Variants in BAZ2B observed in about 807,000 individuals in gnomAD.
BAZ2B encodes bromodomain adjacent to zinc finger domain 2B.
BAZ2B carries 91 observed loss-of-function variants against 246.0 expected under a neutral mutation model. That is an observed-to-expected ratio of 0.37 (90% confidence interval 0.31 to 0.44). The LOEUF is 0.44. Ranked by LOEUF, BAZ2B falls within the 20% of genes least tolerant of loss-of-function variation. The pLI is 1.00. For synonymous variants in BAZ2B, 855 were observed against 860.0 expected (o/e 0.99, Z 0.10); for missense variants, 2,332 against 2,533.7 (o/e 0.92, Z 1.71).
At chr2:159,598,437 C>A (rs1691287940) in intron 1 of BAZ2B, among the ~76,000 whole-genome samples, 1 of 152,192 alleles carries the variant, frequency 6.6e-6, no homozygotes, top group African/African-American at 2.4e-5. Flanking sequence ...ATAGATAACA[C>A]ATTATTAGTA....
At chr2:159,573,544 T>A (rs1222792625) in intron 1 of BAZ2B, among the ~76,000 whole-genome samples, 1 of 151,734 alleles carries the variant, frequency 6.6e-6, no homozygotes, top group Non-Finnish European at 1.5e-5. Flanking sequence ...ACGTAAGAGG[T>A]AAAAACGTAA....
chr2:159,584,127 G>GT (rs34885086), intron 1 of BAZ2B, among the ~76,000 whole-genome samples: 135 of 146,198 alleles, frequency 9.2e-4, no homozygotes, highest in South Asian at 1.5e-3. Context: ...CTGATTTAGG[G>GT]TTTTTTTTTT....
At position 159,499,290 on chromosome 2, in the gene BAZ2B, T is replaced by G. The variant is rs554025740; in HGVS notation, c.-2-20569A>C. 2.6e-5 allele frequency among the ~76,000 whole-genome samples: 4 copies of G among 152,328 alleles called. No individual in the cohort carries two copies. The South Asian group carries it at 8.3e-4, about 32-fold the overall frequency. On this transcript the variant is annotated intron_variant, in intron 2 of 36. Coordinates refer to ENST00000392783, the MANE Select transcript of BAZ2B (RefSeq NM_013450.4). ...AAACATGCCATGTTTGATTTTCTGTTCTTGTGTTAGAATGCTCGGGATAAT... is the reference window on the plus strand; with the variant it reads ...AAACATGCCATGTTTGATTTTCTGTGCTTGTGTTAGAATGCTCGGGATAAT...
At chr2:159,398,979 G>T in intron 17 of BAZ2B, 85 bp from the exon 18 acceptor site, 2 of 1,270,992 alleles carry the variant, frequency 1.6e-6, no homozygotes, top group Non-Finnish European at 2.2e-6. Flanking sequence ...GAAGCTACAT[G>T]TCTCACAAGG....
intron 2 of BAZ2B, among the ~76,000 whole-genome samples, chr2:159,547,599 T>C (rs1366823024): frequency 6.6e-6 from 1 of 152,128 alleles, no homozygotes; most frequent in Non-Finnish European, 1.5e-5. Context: ...AAAGTGTGAG[T>C]GGAAGAAAAC....
rs745866930 is a variant in BAZ2B, at chr2:159,350,107, T to C, written c.4464A>G (p.Lys1488=). 3.7e-6 allele frequency: 6 copies of C among 1,614,090 alleles called. No homozygotes were observed. In the South Asian group the frequency reaches 6.6e-5, roughly 18 times the overall value. The stretch of plus-strand genomic sequence containing the variant: ...TGCACCCATTTGCACCAGCATTTGG[T>C]TTGGGGGTCATAACCTCTGACTCAG... ...MPPESEVMTP[K]PNAGANGCTL... The change falls in exon 28 of 37, where the codon AAA becomes AAG. Residue 1488 remains lysine, a synonymous_variant. Coordinates refer to ENST00000392783, the MANE Select transcript of BAZ2B (RefSeq NM_013450.4).
In BAZ2B at chr2:159,507,243, T is replaced by C. The variant is rs115501108; in HGVS notation, c.-2-28522A>G. Among the ~76,000 whole-genome samples the C allele has an allele frequency of 6.2e-3, 942 of 152,216 alleles. 6 individuals carry two copies. The highest frequency in any genetic ancestry group is 0.022 in the African/African-American group (902 of 41,526). On this transcript the variant is annotated intron_variant, in intron 2 of 36. Coordinates refer to ENST00000392783, the MANE Select transcript of BAZ2B (RefSeq NM_013450.4). The stretch of plus-strand genomic sequence containing the variant: ...GAGGTTTCCTGTGTAAAATATAGCC[T>C]GATACATTAAAGAGAAGTACAAAAC...
chr2:159,712,093 G>GAAAAAAA, the BAZ2B span: 3 of 123,236 alleles, frequency 2.4e-5, no homozygotes, highest in Non-Finnish European at 4.8e-5. Context: ...GCCAGAAAAA[G>GAAAAAAA]AAAAAAAAAA....
intron 3 of BAZ2B, chr2:159,462,419 T>C (rs1193352306): frequency 7.1e-6 from 9 of 1,258,896 alleles, no homozygotes; most frequent in African/African-American, 1.5e-5. Context: ...TCTTTGCTAA[T>C]GTTGTAGCTG....
At chr2:159,648,698 G>T in the BAZ2B span, among the ~76,000 whole-genome samples, 1 of 151,966 alleles carries the variant, frequency 6.6e-6, no homozygotes, top group Non-Finnish European at 1.5e-5. Context: ...ACAGATATCA[G>T]GTTTTATTTA....
Position 159,432,896 on chromosome 2 carries a change from T to G in BAZ2B, c.1761A>C (p.Leu587Phe). Residue 587 changes from leucine (L) to phenylalanine (F), a missense_variant, in exon 9 of 37, where the codon TTA (leucine) becomes TTC (phenylalanine). By Grantham distance (22) the Leu-to-Phe change is conservative (BLOSUM62 0). Around this residue, in one of 9 missense-constraint regions of BAZ2B, gnomAD observed 651 missense variants for 650.9 expected, o/e 1.00. Coordinates refer to ENST00000392783, the MANE Select transcript of BAZ2B (RefSeq NM_013450.4). ...TQHHSHPAKS[L>F]VEQFRGTDSD... is the part of the protein sequence containing the mutation. ...AATCTGTTCCTCTGAATTGTTCCAC[T>G]AAAGATTTTGCAGGATGGGAGTGAT... The G allele has an allele frequency of 1.2e-6, 2 of 1,614,168 alleles. No individual in the cohort carries two copies. The highest frequency in any genetic ancestry group is 1.7e-6 in the Non-Finnish European group (2 of 1,180,018).
intron 1 of BAZ2B, among the ~76,000 whole-genome samples, chr2:159,608,265 T>C (rs879843559): frequency 4.3e-4 from 65 of 152,320 alleles, no homozygotes; most frequent in South Asian, 2.5e-3. Flanking sequence ...TCCCAGCTAC[T>C]TGGCGGACTG....
chr2:159,676,953 TATATATATA>T, the BAZ2B span, among the ~76,000 whole-genome samples: 1 of 21,092 alleles, frequency 4.7e-5, no homozygotes, highest in African/African-American at 7.0e-5. Context: ...ATAGTTTTGT[TATATATATA>T]TATATATATA....
the BAZ2B span, among the ~76,000 whole-genome samples, chr2:159,660,567 C>A: frequency 1.3e-5 from 2 of 152,104 alleles, no homozygotes; most frequent in Non-Finnish European, 1.5e-5. Context: ...TTTTCTCTCC[C>A]ATAAGCAGTG....
At chr2:159,614,603 A>G (rs1179512134) in intron 1 of BAZ2B, among the ~76,000 whole-genome samples, 1 of 152,158 alleles carries the variant, frequency 6.6e-6, no homozygotes, top group Non-Finnish European at 1.5e-5. Flanking sequence ...CTGACTACAG[A>G]TAACAGTTGA....
intron 1 of BAZ2B, among the ~76,000 whole-genome samples, chr2:159,565,902 A>G (rs1262551399): frequency 5.9e-5 from 9 of 152,246 alleles, no homozygotes; most frequent in Non-Finnish European, 5.9e-5. Flanking sequence ...TATGGAAACT[A>G]TACTGAAAAT....
At position 159,463,311 on chromosome 2, in the gene BAZ2B, C is replaced by G. The variant is rs1394000742; in HGVS notation, c.146-9510G>C. On this transcript the variant is annotated intron_variant, in intron 3 of 36. Transcript: ENST00000392783. Reference sequence around the variant, plus strand: ...ACACTTAAAAAAGACGATTCCTTAACGTGTCTATTGTTAATCGTTCTGCAA... The same window carrying G: ...ACACTTAAAAAAGACGATTCCTTAAGGTGTCTATTGTTAATCGTTCTGCAA... 3 of 307,774 alleles carry G rather than the reference C, an allele frequency of 9.7e-6. 1 individual carries two copies. Among genetic ancestry groups the G allele is most frequent in the Admixed American group, 8.1e-5 (2 of 24,554 alleles). 19.1% of individuals were successfully genotyped at this position (307,774 alleles called of 1,614,324 possible).
At chr2:159,352,405 G>A (rs1214053391) in intron 27 of BAZ2B, among the ~76,000 whole-genome samples, 2 of 151,456 alleles carry the variant, frequency 1.3e-5, no homozygotes, top group East Asian at 1.9e-4. Flanking sequence ...CATGATGTTT[G>A]TTTATTTTTG....
At chr2:159,447,861 C>T (rs2074472028) in intron 5 of BAZ2B, among the ~76,000 whole-genome samples, 1 of 152,176 alleles carries the variant, frequency 6.6e-6, no homozygotes, top group South Asian at 2.1e-4. Flanking sequence ...GCTTGTGATC[C>T]CAGCGCTTTT....
Sources: gnomAD v4.1 joint callset for allele counts (sites outside exome capture counted in the v4.1 genomes callset) on GRCh38, gnomAD v4.1.1 for gene constraint, gnomAD v4.1.1 regional missense constraint, MANE v1.5 for transcripts, NCBI Gene and HGNC (gene_info 2026-07-23, HGNC 2026-07-21) for gene names.